Variants in ZNF558 observed in about 807,000 individuals in gnomAD.
ZNF558 encodes the protein zinc finger protein 558.
A neutral mutation model predicts 37.6 loss-of-function variants in ZNF558; 23 were observed. The observed-to-expected ratio is 0.61, with a 90% confidence interval of 0.44 to 0.87. The LOEUF (loss-of-function observed/expected upper bound fraction) is 0.87. Ranked by LOEUF, ZNF558 falls within the 40% of genes least tolerant of loss-of-function variation. The pLI, the probability that ZNF558 is intolerant of heterozygous loss-of-function variation, is 0.00. For missense variants in ZNF558, 429 were observed against 483.7 expected (o/e 0.89, Z 1.06); for synonymous variants, 189 against 174.4 (o/e 1.08, Z -0.66).
rs781909154 is a variant in ZNF558, at chr19:8,811,446, G to A, written c.1044C>T (p.Tyr348=). The A allele has an allele frequency of 1.7e-5, 27 of 1,613,786 alleles. No individual in the cohort carries two copies. The highest frequency in any genetic ancestry group is 1.7e-4 in the Admixed American group (10 of 59,982). Reference sequence around the variant, plus strand: ...AGGCTTTTCCACAGTCACTGCACTCGTAGGGTTTCTCTCCGGTATGTATTC... The same window carrying A: ...AGGCTTTTCCACAGTCACTGCACTCATAGGGTTTCTCTCCGGTATGTATTC... ...HKRIHTGEKP[Y]ECSDCGKAFN... The change falls in exon 10 of 10, where the codon TAC becomes TAT. Residue 348 remains tyrosine, a synonymous_variant. Coordinates refer to ENST00000601372, the MANE Select transcript of ZNF558 (RefSeq NM_144693.3).
intron 6 of ZNF558, chr19:8,821,602 G>A (rs2044092659): frequency 7.4e-7 from 1 of 1,353,882 alleles, no homozygotes; most frequent in Admixed American, 3.3e-5. Context: ...TTCTCACTCA[G>A]ACTGGGAGCT....
intron 2 of ZNF558, among the ~76,000 whole-genome samples, chr19:8,826,939 C>T (rs932515957): frequency 2.6e-5 from 4 of 152,096 alleles, no homozygotes; most frequent in African/African-American, 4.8e-5. Context: ...CCTTTTTCCC[C>T]GTAACAGACC....
rs1429415357 is a variant in ZNF558, at chr19:8,807,824, A to G, written c.*3457T>C. 1.7e-4 allele frequency: 26 copies of G among 152,242 alleles called. No individual in the cohort carries two copies. The highest frequency in any genetic ancestry group is 5.3e-4 in the African/African-American group (22 of 41,554). The allele number at this position is 152,242 out of a possible 1,614,324, so 9.4% of individuals were successfully genotyped here. A position where few individuals can be genotyped will look rare whatever the true frequency, so the allele number is the denominator to read the frequency against. On this transcript the variant is annotated 3_prime_UTR_variant, in exon 10 of 10. Coordinates refer to ENST00000601372, the MANE Select transcript of ZNF558 (RefSeq NM_144693.3). The stretch of plus-strand genomic sequence containing the variant: ...CTCCTCCATTAGGTGAAGTATTTCA[A>G]TGGCAAAACTTTGCCTGGCACACAG...
rs544358282 is a variant in ZNF558, at chr19:8,822,616, C to G, written c.31+13G>C. ...GGCTGGACTCTGAGAAATGTCAGGA[C>G]CCCACGACTCACCAGCAGTCGAGGG... On this transcript the variant is annotated intron_variant, in intron 5 of 9. Coordinates refer to ENST00000601372, the MANE Select transcript of ZNF558 (RefSeq NM_144693.3). The surrounding 1 kb of genome is among the most constrained non-coding windows in gnomAD (Gnocchi z 4.4). 17 of 1,614,056 alleles carry G rather than the reference C, an allele frequency of 1.1e-5. No individual in the cohort carries two copies. In the South Asian group the frequency reaches 1.9e-4, roughly 18 times the overall value.
At chr19:8,812,203 T>A (rs2043812376) in intron 9 of ZNF558, 140 bp from the exon 10 acceptor site, 1 of 814,392 alleles carries the variant, frequency 1.2e-6, no homozygotes, top group African/African-American at 1.8e-5. Flanking sequence ...TGTATGTGAT[T>A]TCTGCCCAGT....
Position 8,824,268 on chromosome 19 carries a change from G to A in ZNF558, c.-252C>T, listed in dbSNP as rs2044179450. On this transcript the variant is annotated 5_prime_UTR_variant, in exon 4 of 10. Transcript: ENST00000601372. Reference sequence around the variant, plus strand: ...CCTGTGGAGAGGCCTATGTGGAGAGGAACTGAGGCCTCCCACCGACGGCCA... The same window carrying A: ...CCTGTGGAGAGGCCTATGTGGAGAGAAACTGAGGCCTCCCACCGACGGCCA... The A allele has an allele frequency of 6.6e-6, 1 of 152,166 alleles. No individual in the cohort carries two copies. The highest frequency in any genetic ancestry group is 2.4e-5 in the African/African-American group (1 of 41,432). The allele number at this position is 152,166 out of a possible 1,614,324, so 9.4% of individuals were successfully genotyped here. A position where few individuals can be genotyped will look rare whatever the true frequency, so the allele number is the denominator to read the frequency against.
At chr19:8,826,048 A>G (rs1430298486) in intron 2 of ZNF558, among the ~76,000 whole-genome samples, 2 of 152,178 alleles carry the variant, frequency 1.3e-5, no homozygotes, top group Non-Finnish European at 2.9e-5. Context: ...GAGATAACAT[A>G]CAGAGAGACT....
Position 8,810,001 on chromosome 19 carries a change from CAATATT to C in ZNF558, c.*1274_*1279del, listed in dbSNP as rs1323624586. ...AGAGAAGAATCACTGAAAAATTTTC[CAATATT>C]AATATACTCATAGGTTTTGCATCCA... is the stretch of plus-strand genomic sequence containing the variant. On this transcript the variant is annotated 3_prime_UTR_variant, in exon 10 of 10. Coordinates refer to ENST00000601372, the MANE Select transcript of ZNF558 (RefSeq NM_144693.3). 1 of 152,120 alleles carries C rather than the reference CAATATT, an allele frequency of 6.6e-6. No homozygotes were observed. The highest frequency in any genetic ancestry group is 1.9e-4 in the East Asian group (1 of 5,192). 9.4% of individuals were successfully genotyped at this position (152,120 alleles called of 1,614,324 possible). A position where few individuals can be genotyped will look rare whatever the true frequency, so the allele number is the denominator to read the frequency against.
At chr19:8,831,480 A>C (rs2044353658) in intron 1 of ZNF558, 79 bp from the exon 2 acceptor site, 1 of 152,190 alleles carries the variant, frequency 6.6e-6, no homozygotes, top group South Asian at 2.1e-4. Flanking sequence ...GGCTGCCGGA[A>C]ACACCATCCC....
intron 7 of ZNF558, among the ~76,000 whole-genome samples, chr19:8,818,553 G>A (rs1056464066): frequency 2.0e-5 from 3 of 152,010 alleles, no homozygotes; most frequent in African/African-American, 7.3e-5. Flanking sequence ...TCAAAATTCT[G>A]AGTTTTTTTT....
At chr19:8,824,634 C>T (rs534475258) in intron 3 of ZNF558, among the ~76,000 whole-genome samples, 1 of 152,158 alleles carries the variant, frequency 6.6e-6, no homozygotes, top group African/African-American at 2.4e-5. Flanking sequence ...CTCCTCCCAT[C>T]GCAGACAAGG....
chr19:8,813,295 C>A, intron 7 of ZNF558, 73 bp from the exon 8 acceptor site: 1 of 1,185,856 alleles, frequency 8.4e-7, no homozygotes, highest in South Asian at 1.3e-5. Context: ...AGAAAGCCAA[C>A]ATTTATGAAG....
Position 8,811,164 on chromosome 19 carries a change from G to A in ZNF558, c.*117C>T. 1 of 1,112,758 alleles carries A rather than the reference G, an allele frequency of 9.0e-7. No homozygotes were observed. The highest frequency in any genetic ancestry group is 1.3e-6 in the Non-Finnish European group (1 of 797,986). 68.9% of individuals were successfully genotyped at this position (1,112,758 alleles called of 1,614,324 possible). On this transcript the variant is annotated 3_prime_UTR_variant, in exon 10 of 10. Coordinates refer to ENST00000601372, the MANE Select transcript of ZNF558 (RefSeq NM_144693.3). Reference sequence around the variant, plus strand: ...TTTCGTGTTTGAAGCCACAAAATTTGCGGGGATCATTTGTTATGCTGCAAC... The same window carrying A: ...TTTCGTGTTTGAAGCCACAAAATTTACGGGGATCATTTGTTATGCTGCAAC...
In ZNF558 at chr19:8,811,382, G is replaced by A. The variant is rs1348223517; in HGVS notation, c.1108C>T (p.His370Tyr). 4.3e-6 allele frequency: 7 copies of A among 1,613,950 alleles called. No homozygotes were observed. Among genetic ancestry groups the A allele is most frequent in the Non-Finnish European group, 5.9e-6 (7 of 1,179,934 alleles). The change falls in exon 10 of 10, where the codon CAC (histidine) becomes TAC (tyrosine). Residue 370 changes from histidine (H) to tyrosine (Y), a missense_variant. By Grantham distance (83) the His-to-Tyr change is moderately conservative. Transcript: ENST00000601372. Reference sequence around the variant, plus strand: ...CATTCATAGGGTTTTTCTCCAGTGTGAGTTCTTAAGTGTTTCTTCACAGCT... The same window carrying A: ...CATTCATAGGGTTTTTCTCCAGTGTAAGTTCTTAAGTGTTTCTTCACAGCT... Reference protein sequence around the residue: ...LSAVKKHLRTHTGEKPYECNH... With the variant: ...LSAVKKHLRTYTGEKPYECNH...
rs1432043481 is a variant in ZNF558, at chr19:8,809,165, A to C, written c.*2116T>G. 1 of 152,208 alleles carries C rather than the reference A, an allele frequency of 6.6e-6. No homozygotes were observed. Among genetic ancestry groups the C allele is most frequent in the Non-Finnish European group, 1.5e-5 (1 of 68,030 alleles). 9.4% of individuals were successfully genotyped at this position (152,208 alleles called of 1,614,324 possible). On this transcript the variant is annotated 3_prime_UTR_variant, in exon 10 of 10. Transcript: ENST00000601372. ...AATCGGAGGCTCCTGGAGAGCCCAA[A>C]GCATTGTGATTTTTGGCTGCACTTT...
intron 3 of ZNF558, among the ~76,000 whole-genome samples, 181 bp downstream of exon 3, chr19:8,824,821 G>A (rs2044194408): frequency 6.6e-6 from 1 of 152,086 alleles, no homozygotes; most frequent in African/African-American, 2.4e-5. Context: ...CTTCTGTAGT[G>A]CGATGAGCCC....
rs2043721624 is a variant in ZNF558 at position 8,808,463 on chromosome 19, C to A, written c.*2818G>T. ...ATAATGTCAAAATATATAAAAATGA[C>A]AAAATTACAGTGTTAATACATAAAC... On this transcript the variant is annotated 3_prime_UTR_variant, in exon 10 of 10. Transcript: ENST00000601372. 1 of 151,898 alleles carries A rather than the reference C, an allele frequency of 6.6e-6. No individual in the cohort carries two copies. Among genetic ancestry groups the A allele is most frequent in the African/African-American group, 2.4e-5 (1 of 41,342 alleles). 9.4% of individuals were successfully genotyped at this position (151,898 alleles called of 1,614,324 possible).
At chr19:8,827,571 CTTTTTTTTTTT>C (rs386388513) in intron 2 of ZNF558, among the ~76,000 whole-genome samples, 112 of 94,106 alleles carry the variant, frequency 1.2e-3, no homozygotes, top group Non-Finnish European at 2.0e-3. Flanking sequence ...TTTCCCTATT[CTTTTTTTTTTT>C]TTTTTTTTTT....
intron 7 of ZNF558, among the ~76,000 whole-genome samples, chr19:8,815,767 C>CA (rs1426443652): frequency 2.0e-5 from 3 of 151,122 alleles, no homozygotes; most frequent in African/African-American, 7.3e-5. Context: ...GCCTAGGTGA[C>CA]AGAGTGAGTG....
Sources: allele counts gnomAD v4.1 joint callset (sites outside exome capture counted in the v4.1 genomes callset), GRCh38; gene constraint gnomAD v4.1.1; non-coding constraint Gnocchi (gnomAD v3.1); transcripts MANE v1.5; gene names NCBI Gene and HGNC (gene_info 2026-07-23, HGNC 2026-07-21).